Variants in DIS3L observed in about 807,000 individuals in gnomAD.
The protein encoded by DIS3L is DIS3 like exosome 3'-5' exoribonuclease.
In DIS3L, 100 loss-of-function variants were observed where a neutral mutation model predicts 120.3. That is an observed-to-expected ratio of 0.83 (90% CI 0.71 to 0.98). DIS3L has a LOEUF of 0.98. Among genes scored for constraint, DIS3L ranks in the 50% least tolerant of loss-of-function variants. The pLI is 0.00. For synonymous variants in DIS3L, 426 were observed against 470.6 expected (o/e 0.91, Z 1.23); for missense variants, 1,196 against 1,314.2 (o/e 0.91, Z 1.39).
intron 10 of DIS3L, among the ~76,000 whole-genome samples, 170 bp from the exon 11 acceptor site, chr15:66,323,323 G>C (rs549464265): frequency 9.8e-5 from 15 of 152,300 alleles, no homozygotes; most frequent in African/African-American, 3.6e-4. Flanking sequence ...TTAGAAAAGT[G>C]GGACCATGGG....
chr15:66,330,152 A>G, intron 14 of DIS3L: 10 of 892,574 alleles, frequency 1.1e-5, no homozygotes, highest in Non-Finnish European at 1.2e-5. Context: ...AATACAAAAA[A>G]TTAGCATGGT....
rs780267340 is a variant in DIS3L, at chr15:66,333,033, C to T, written c.2886C>T (p.Cys962=). 1 of 1,612,784 alleles carries T rather than the reference C, an allele frequency of 6.2e-7. No homozygotes were observed. The highest frequency in any genetic ancestry group is 1.1e-5 in the South Asian group (1 of 90,966). The part of the protein sequence containing the change: ...TVRISIQASR[C]HSDTIRLEII... ...GAATATCCATACAGGCCTCACGTTG[C>T]CATTCTGATACAATCAGACTTGAAA... is the stretch of plus-strand genomic sequence containing the variant. The change falls in exon 17 of 17, where the codon TGC becomes TGT. Residue 962 remains cysteine, a synonymous_variant. Coordinates refer to ENST00000319212, the MANE Select transcript of DIS3L (RefSeq NM_001143688.3).
intron 14 of DIS3L, chr15:66,331,602 G>C (rs1214406745): frequency 8.4e-6 from 2 of 238,498 alleles, no homozygotes; most frequent in African/African-American, 2.3e-5. Flanking sequence ...TACTTTTCCT[G>C]TACCCAAGGT....
In DIS3L at chr15:66,315,184, G is replaced by A. The variant is rs1249306653; in HGVS notation, c.963G>A (p.Ser321=). The part of the protein sequence containing the change: ...LCENDCDDKA[S]GESPSEPMPT... ...AGAATGACTGTGACGACAAGGCTTC[G>A]GGCGAGTCCCCAAGTGAGCCCATGC... The change falls in exon 7 of 17, where the codon TCG becomes TCA. Residue 321 remains serine, a synonymous_variant. Transcript: ENST00000319212. The A allele has an allele frequency of 1.6e-5, 26 of 1,613,780 alleles. No individual in the cohort carries two copies. Among genetic ancestry groups the A allele is most frequent in the Non-Finnish European group, 1.9e-5 (23 of 1,179,838 alleles).
rs1438221247 is a variant in DIS3L at position 66,326,316 on chromosome 15, C to T, written c.2153C>T (p.Ser718Leu). ...CCTCCTCCACACCAGGAGTTCTTTT[C>T]AGAACTCCGGGAATGTGCTAAAGCC... ...QHPPPHQEFF[S>L]ELRECAKAKG... The change falls in exon 12 of 17, where the codon TCA (serine) becomes TTA (leucine). Residue 718 changes from serine (S) to leucine (L), a missense_variant. Transcript: ENST00000319212. The T allele has an allele frequency of 3.1e-6, 5 of 1,614,010 alleles. No homozygotes were observed.
chr15:66,313,120 T>C (rs1381997768), intron 5 of DIS3L, among the ~76,000 whole-genome samples: 10 of 151,986 alleles, frequency 6.6e-5, no homozygotes, highest in Non-Finnish European at 1.5e-4. Flanking sequence ...CTCAGCCTCC[T>C]GAGTAGCTGG....
In DIS3L at chr15:66,318,542, A is replaced by AGAAAATCCTGGTTACACCTTGGGATT; in HGVS notation, c.1089_1114dup (p.Tyr372Ter). On this transcript the variant is annotated frameshift_variant, in exon 8 of 17. Transcript: ENST00000319212. LOFTEE classifies it high-confidence loss of function. ...GTCCAATCTCAGGGCAAAAATGCTC[A>AGAAAATCCTGGTTACACCTTGGGATT]GAAAATCCTGGTTACACCTTGGGAT... is the stretch of plus-strand genomic sequence containing the variant. 6.2e-7 allele frequency: 1 copy of AGAAAATCCTGGTTACACCTTGGGATT among 1,614,120 alleles called. No homozygotes were observed.
At chr15:66,322,463 TTG>T (rs2092894728) in intron 9 of DIS3L, among the ~76,000 whole-genome samples, 1 of 152,162 alleles carries the variant, frequency 6.6e-6, no homozygotes, top group South Asian at 2.1e-4. Context: ...GTGTAGGACT[TTG>T]TCTTTCTTGT....
At chr15:66,314,913 G>GAAAA in intron 6 of DIS3L, 123 bp from the exon 7 acceptor site, 3 of 1,045,834 alleles carry the variant, frequency 2.9e-6, no homozygotes, top group Non-Finnish European at 4.1e-6. Flanking sequence ...CTCTACCTTT[G>GAAAA]AAAAGAAAAA....
chr15:66,332,118 A>G, intron 15 of DIS3L, 98 bp downstream of exon 15: 1 of 1,181,790 alleles, frequency 8.5e-7, no homozygotes, highest in Non-Finnish European at 1.1e-6. Flanking sequence ...TATTTAAGCA[A>G]CTAGTTATCA....
intron 2 of DIS3L, among the ~76,000 whole-genome samples, chr15:66,300,472 C>T (rs779322947): frequency 7.9e-5 from 12 of 152,142 alleles, no homozygotes; most frequent in Non-Finnish European, 1.3e-4. Flanking sequence ...GTAATTAGAT[C>T]GACGGTGATG....
At chr15:66,322,009 A>G (rs935341926) in intron 9 of DIS3L, among the ~76,000 whole-genome samples, 1 of 152,220 alleles carries the variant, frequency 6.6e-6, no homozygotes, top group African/African-American at 2.4e-5. Context: ...AACGGGAGCT[A>G]TCATAGTAAA....
intron 2 of DIS3L, 104 bp downstream of exon 2, chr15:66,295,245 AG>A: frequency 8.7e-7 from 1 of 1,151,858 alleles, no homozygotes; most frequent in Non-Finnish European, 1.2e-6. Context: ...TTTTGTCAGA[AG>A]GGACTTTTAA....
chr15:66,308,343 A>G (rs1411001110), intron 3 of DIS3L, among the ~76,000 whole-genome samples: 1 of 152,190 alleles, frequency 6.6e-6, no homozygotes, highest in African/African-American at 2.4e-5. Context: ...CTCTTAGCCA[A>G]AGACTTGCTT....
At chr15:66,327,917 A>G (rs6416475) in intron 12 of DIS3L, among the ~76,000 whole-genome samples, 137,761 of 152,104 alleles carry the variant, frequency 0.91, 63,929 homozygotes, top group East Asian at 1. Flanking sequence ...CGAGCCAGGC[A>G]TGGCGCACTC....
intron 2 of DIS3L, among the ~76,000 whole-genome samples, chr15:66,306,510 G>A (rs1040377770): frequency 2.6e-5 from 4 of 152,186 alleles, no homozygotes; most frequent in Non-Finnish European, 4.4e-5. Context: ...AAGGGGCTAG[G>A]CAGGGCAAGG....
chr15:66,321,490 G>A (rs533319043), intron 9 of DIS3L, among the ~76,000 whole-genome samples: 15 of 152,226 alleles, frequency 9.9e-5, no homozygotes, highest in East Asian at 3.9e-4. Flanking sequence ...TAGGCCAGGC[G>A]TGGTGGCTCA....
intron 2 of DIS3L, among the ~76,000 whole-genome samples, chr15:66,297,929 C>G (rs888540946): frequency 6.6e-6 from 1 of 152,072 alleles, no homozygotes; most frequent in Non-Finnish European, 1.5e-5. Context: ...CCCATAATCT[C>G]AGCACTTTGG....
chr15:66,330,180 C>G (rs1466270844), intron 14 of DIS3L: 1 of 873,624 alleles, frequency 1.1e-6, no homozygotes, highest in African/African-American at 1.8e-5. Context: ...GCCTGTAGTC[C>G]CAGCTACTCA....
Sources: gnomAD v4.1 joint callset for allele counts (sites outside exome capture counted in the v4.1 genomes callset) on GRCh38, gnomAD v4.1.1 for gene constraint, MANE v1.5 for transcripts, NCBI Gene and HGNC (gene_info 2026-07-23, HGNC 2026-07-21) for gene names.